The following RANBP9 variants were observed in gnomAD, a reference collection of about 807,000 sequenced individuals.
RANBP9 encodes the protein RAN binding protein 9.
Under a neutral mutation model 84.3 loss-of-function variants are expected in RANBP9, and 15 were observed. The observed-to-expected ratio is 0.18, with a 90% CI of 0.12 to 0.27. The LOEUF (loss-of-function observed/expected upper bound fraction) is 0.27. Ranked by LOEUF, RANBP9 falls within the 10% of genes least tolerant of loss-of-function variation. The pLI is 1.00. For synonymous variants in RANBP9, 392 were observed against 349.6 expected, an observed-to-expected ratio of 1.12 and a Z score of -1.35; for missense variants, 809 against 912.8, an observed-to-expected ratio of 0.89 and a Z score of 1.46.
chr6:13,702,209 A>G (rs989742380), intron 1 of RANBP9, among the ~76,000 whole-genome samples: 4 of 152,108 alleles, frequency 2.6e-5, no homozygotes, highest in African/African-American at 9.7e-5. Flanking sequence ...TTGGGAGGCC[A>G]AGGTGGGTGG....
intron 5 of RANBP9, among the ~76,000 whole-genome samples, chr6:13,647,897 TAC>T (rs1238640291): frequency 6.6e-6 from 1 of 152,112 alleles, no homozygotes; most frequent in Non-Finnish European, 1.5e-5. Flanking sequence ...CTTGCTATAT[TAC>T]AGATTTTAAA....
chr6:13,698,149 C>T (rs113514748), intron 1 of RANBP9, among the ~76,000 whole-genome samples: 49 of 152,220 alleles, frequency 3.2e-4, no homozygotes, highest in Middle Eastern at 3.4e-3. Context: ...TCACACCCCC[C>T]ACTCCCCCCA....
chr6:13,648,149 T>G (rs1765216284), intron 5 of RANBP9, among the ~76,000 whole-genome samples: 1 of 137,384 alleles, frequency 7.3e-6, no homozygotes, highest in Non-Finnish European at 1.6e-5. Context: ...TGGTTTTTTT[T>G]TTTTTTTTTT....
intron 4 of RANBP9, 85 bp downstream of exon 4, chr6:13,657,024 A>C: frequency 7.8e-7 from 1 of 1,279,762 alleles, no homozygotes; most frequent in Non-Finnish European, 1.1e-6. Flanking sequence ...ATAAAGGAGA[A>C]TCACATAATA....
intron 1 of RANBP9, among the ~76,000 whole-genome samples, chr6:13,699,735 G>T (rs531425440): frequency 1.3e-5 from 2 of 152,038 alleles, no homozygotes; most frequent in Admixed American, 1.3e-4. Context: ...GGTAGTGTGC[G>T]CCTGTAATCC....
At chr6:13,706,108 C>T (rs1365432392) in intron 1 of RANBP9, among the ~76,000 whole-genome samples, 1 of 150,140 alleles carries the variant, frequency 6.7e-6, no homozygotes, top group Non-Finnish European at 1.5e-5. Context: ...CTTTGGGAGG[C>T]CGAGGCGAGT....
chr6:13,629,109 T>C (rs550182894), intron 12 of RANBP9, among the ~76,000 whole-genome samples: 2 of 144,198 alleles, frequency 1.4e-5, no homozygotes, highest in East Asian at 3.9e-4. Context: ...TAAAATATCA[T>C]TGAGCCTTTT....
chr6:13,637,785 C>T, intron 10 of RANBP9, 23 bp downstream of exon 10: 2 of 1,555,916 alleles, frequency 1.3e-6, no homozygotes, highest in African/African-American at 2.8e-5. Flanking sequence ...TATATTAGTG[C>T]AAAAGTCAGT....
chr6:13,690,424 A>T (rs981765656), intron 2 of RANBP9, among the ~76,000 whole-genome samples: 2 of 152,186 alleles, frequency 1.3e-5, no homozygotes, highest in African/African-American at 4.8e-5. Flanking sequence ...CTAGTTTTCA[A>T]AGCTAGACAG....
intron 2 of RANBP9, among the ~76,000 whole-genome samples, chr6:13,664,133 T>C (rs1319983271): frequency 6.6e-6 from 1 of 152,080 alleles, no homozygotes; most frequent in African/African-American, 2.4e-5. Context: ...TCCTAAGGAA[T>C]CTACAAAATA....
In RANBP9 at chr6:13,711,553, C is replaced by G. The variant is rs987633089; in HGVS notation, c.-48G>C. On this transcript the variant is annotated 5_prime_UTR_variant, in exon 1 of 14. Coordinates refer to ENST00000011619, the MANE Select transcript of RANBP9 (RefSeq NM_005493.3). ...GCCACCTCCACCTCTTCTCTCCTTC[C>G]TCCTCTGCTTCCCGGGGGCGCTGTC... 1 of 1,236,886 alleles carries G rather than the reference C, an allele frequency of 8.1e-7. No individual in the cohort carries two copies. 76.6% of individuals were successfully genotyped at this position (1,236,886 alleles called of 1,614,324 possible).
At chr6:13,671,611 ATAGT>A (rs948750406) in intron 2 of RANBP9, among the ~76,000 whole-genome samples, 34 of 152,322 alleles carry the variant, frequency 2.2e-4, no homozygotes, top group African/African-American at 7.5e-4. Flanking sequence ...TAAAAACAAA[ATAGT>A]TAGTTGCTGC....
intron 2 of RANBP9, among the ~76,000 whole-genome samples, chr6:13,690,239 T>C (rs982943582): frequency 6.6e-6 from 1 of 152,208 alleles, no homozygotes; most frequent in Non-Finnish European, 1.5e-5. Context: ...AATAAAATAA[T>C]TTCTTATCCC....
At chr6:13,635,839 G>C (rs1382375275) in intron 10 of RANBP9, among the ~76,000 whole-genome samples, 1 of 149,080 alleles carries the variant, frequency 6.7e-6, no homozygotes, top group Non-Finnish European at 1.5e-5. Flanking sequence ...ACTCAGTTTA[G>C]TATTTGGAAG....
intron 1 of RANBP9, among the ~76,000 whole-genome samples, chr6:13,709,631 G>C (rs137999509): frequency 4.0e-4 from 61 of 152,326 alleles, no homozygotes; most frequent in African/African-American, 1.3e-3. Context: ...TTTAGATTAA[G>C]GAGGATAACA....
chr6:13,654,179 C>A (rs1187728675), intron 4 of RANBP9, among the ~76,000 whole-genome samples: 1 of 152,022 alleles, frequency 6.6e-6, no homozygotes, highest in Non-Finnish European at 1.5e-5. Context: ...TTTAACACAG[C>A]CAAATATAGT....
chr6:13,702,888 T>C (rs1010924641), intron 1 of RANBP9, among the ~76,000 whole-genome samples: 1 of 152,190 alleles, frequency 6.6e-6, no homozygotes, highest in Non-Finnish European at 1.5e-5. Flanking sequence ...CATCACTCAA[T>C]TCAAACTGCT....
intron 10 of RANBP9, among the ~76,000 whole-genome samples, chr6:13,636,062 A>G (rs1764929735): frequency 6.6e-6 from 1 of 152,200 alleles, no homozygotes; most frequent in South Asian, 2.1e-4. Context: ...CAAGGAAAAC[A>G]TCCTGGAAGA....
intron 10 of RANBP9, among the ~76,000 whole-genome samples, chr6:13,636,164 G>A (rs958944451): frequency 3.3e-5 from 5 of 152,050 alleles, no homozygotes; most frequent in African/African-American, 7.2e-5. Context: ...GATGGTGGGC[G>A]GTATCAGGGA....
Sources: gnomAD v4.1 joint callset for allele counts (sites outside exome capture counted in the v4.1 genomes callset) on GRCh38, gnomAD v4.1.1 for gene constraint, MANE v1.5 for transcripts, NCBI Gene and HGNC (gene_info 2026-07-23, HGNC 2026-07-21) for gene names.